The following RGS12 variants were observed in gnomAD, a reference collection of about 807,000 sequenced individuals.
The protein encoded by RGS12 is regulator of G protein signaling 12.
A neutral mutation model predicts 120.1 loss-of-function variants in RGS12; 66 were observed. That is an observed-to-expected ratio of 0.55 (90% confidence interval 0.45 to 0.67). RGS12 has a LOEUF of 0.67. RGS12 is among the 30% of genes least tolerant of loss of function. The pLI, the probability that RGS12 is intolerant of heterozygous loss-of-function variation, is 0.00. For synonymous variants in RGS12, 827 were observed against 804.7 expected (o/e 1.03, Z -0.47); for missense variants, 1,859 against 1,957.7 (o/e 0.95, Z 0.95).
chr4:3,353,074 T>TC (rs1222385343), intron 3 of RGS12, among the ~76,000 whole-genome samples: 2 of 152,232 alleles, frequency 1.3e-5, no homozygotes, highest in Non-Finnish European at 1.5e-5. Flanking sequence ...TGCCAAGGCC[T>TC]CCGGCGTACT....
chr4:3,356,511 C>G (rs2108820542), intron 3 of RGS12, among the ~76,000 whole-genome samples: 1 of 152,216 alleles, frequency 6.6e-6, no homozygotes, highest in South Asian at 2.1e-4. Flanking sequence ...AAACTCTATA[C>G]CCCTTAAACA....
intron 1 of RGS12, among the ~76,000 whole-genome samples, chr4:3,307,985 G>A (rs1243715960): frequency 6.6e-6 from 1 of 152,250 alleles, no homozygotes; most frequent in East Asian, 1.9e-4. Flanking sequence ...GGGGCGCCTG[G>A]GCAGAGGAAG....
Position 3,316,742 on chromosome 4 carries a change from C to G in RGS12, c.572C>G (p.Pro191Arg), listed in dbSNP as rs922990928. 6.2e-6 allele frequency: 10 copies of G among 1,614,160 alleles called. No individual in the cohort carries two copies. The highest frequency in any genetic ancestry group is 8.5e-6 in the Non-Finnish European group (10 of 1,180,030). ...VGHESINNPN[P>R]NMLSKEEISK... Reference sequence around the variant, plus strand: ...CATGAAAGTATAAATAATCCAAATCCCAACATGCTTTCTAAGGAGGAAATA... The same window carrying G: ...CATGAAAGTATAAATAATCCAAATCGCAACATGCTTTCTAAGGAGGAAATA... Residue 191 changes from proline to arginine, a missense_variant, in exon 2 of 18, where the codon CCC becomes CGC. Pro to Arg is a moderately radical substitution (Grantham distance 103, BLOSUM62 -2). Transcript: ENST00000336727.
intron 3 of RGS12, among the ~76,000 whole-genome samples, chr4:3,355,851 G>T (rs1401023895): frequency 2.0e-5 from 3 of 148,940 alleles, no homozygotes; most frequent in African/African-American, 7.4e-5. Flanking sequence ...CAAAGTATCT[G>T]TAGATCAGTT....
chr4:3,417,403 A>G lies in RGS12; in HGVS notation c.2623A>G (p.Lys875Glu). Residue 875 changes from lysine to glutamate, a missense_variant, in exon 9 of 18, where the codon AAA becomes GAA. Physicochemically the swap from Lys to Glu is moderately conservative, Grantham distance 56 (BLOSUM62 1). Coordinates refer to ENST00000336727, the MANE Select transcript of RGS12 (RefSeq NM_001394154.1). ...TTGATGACAGTTAAGTGGAAAATCA[A>G]AATCCGGCCGATCCCTGAATGAAGA... ...STPKKLSGKS[K>E]SGRSLNEELG... 1 of 1,571,570 alleles carries G rather than the reference A, an allele frequency of 6.4e-7. No homozygotes were observed. Among genetic ancestry groups the G allele is most frequent in the Non-Finnish European group, 8.6e-7 (1 of 1,157,544 alleles).
At chr4:3,340,093 G>A (rs903523046) in intron 2 of RGS12, among the ~76,000 whole-genome samples, 4 of 152,226 alleles carry the variant, frequency 2.6e-5, no homozygotes, top group African/African-American at 7.2e-5. Context: ...TCTGCATGCC[G>A]TACAGGTGCC....
intron 15 of RGS12, 148 bp downstream of exon 15, chr4:3,428,317 C>T (rs769535142): frequency 5.7e-5 from 48 of 848,498 alleles, no homozygotes; most frequent in East Asian, 3.9e-4. Context: ...TCGTCCCTGC[C>T]GATGCCCAGC....
chr4:3,338,141 A>C (rs1578760470), intron 2 of RGS12, among the ~76,000 whole-genome samples: 1 of 152,136 alleles, frequency 6.6e-6, no homozygotes, highest in Admixed American at 6.5e-5. Flanking sequence ...GCTCACGGCA[A>C]CCTCTGCCTC....
At chr4:3,404,464 T>C (rs1195398817) in intron 4 of RGS12, among the ~76,000 whole-genome samples, 1 of 152,238 alleles carries the variant, frequency 6.6e-6, no homozygotes, top group Non-Finnish European at 1.5e-5. Flanking sequence ...TAAGTAGGTC[T>C]GTCTGTGCAG....
At chr4:3,313,196 C>T in intron 1 of RGS12, 1 of 152,224 alleles carries the variant, frequency 6.6e-6, no homozygotes, top group East Asian at 1.9e-4. Context: ...AGACATTGTC[C>T]ATCATTATGT....
At chr4:3,310,182 G>A (rs1724291920) in intron 1 of RGS12, among the ~76,000 whole-genome samples, 2 of 149,904 alleles carry the variant, frequency 1.3e-5, no homozygotes, top group Non-Finnish European at 2.9e-5. Flanking sequence ...TTGAGGAGGA[G>A]CTGGGACCCG....
intron 4 of RGS12, chr4:3,407,319 C>T (rs900519171): frequency 2.6e-5 from 4 of 152,366 alleles, no homozygotes; most frequent in South Asian, 2.1e-4. Flanking sequence ...GCTTCCCATC[C>T]GTGAGCCTGC....
In RGS12 at chr4:3,433,722, C is replaced by T. The variant is rs1221237575; in HGVS notation, c.4114+2767C>T. On this transcript the variant is annotated intron_variant, in intron 17 of 17. Transcript: ENST00000336727. This position sits in a 1 kb window ranked among gnomAD's most constrained non-coding sequence, Gnocchi z 4.4. ...CTAGCCTCAGCGTCATGCACCGCAC[C>T]GCCCCATGCTTCTAGCCCCAGCGCC... 3.3e-5 allele frequency among the ~76,000 whole-genome samples: 5 copies of T among 151,968 alleles called. No homozygotes were observed. The highest frequency in any genetic ancestry group is 6.6e-5 in the Admixed American group (1 of 15,264).
At chr4:3,438,892 G>A (rs887700248) in intron 17 of RGS12, among the ~76,000 whole-genome samples, 14 of 152,162 alleles carry the variant, frequency 9.2e-5, no homozygotes, top group African/African-American at 2.9e-4. Flanking sequence ...GCCCAGAGCA[G>A]GGTGTGTACG....
chr4:3,293,219 C>A (rs1370207777), intron 1 of RGS12, 120 bp downstream of exon 1: 1 of 146,262 alleles, frequency 6.8e-6, no homozygotes, highest in Admixed American at 6.8e-5. Context: ...CAGCCCTGCG[C>A]GGCGCCCGTC....
intron 3 of RGS12, among the ~76,000 whole-genome samples, chr4:3,344,505 T>C (rs1713608275): frequency 6.6e-6 from 1 of 152,240 alleles, no homozygotes; most frequent in African/African-American, 2.4e-5. Flanking sequence ...AGGAACTCAC[T>C]GTGTGGCCCT....
intron 3 of RGS12, among the ~76,000 whole-genome samples, chr4:3,362,819 G>A (rs1364141794): frequency 6.7e-6 from 1 of 149,248 alleles, no homozygotes; most frequent in Non-Finnish European, 1.5e-5. Context: ...GTGAGGGTGT[G>A]TCAGTGTGTT....
At position 3,430,875 on chromosome 4, in the gene RGS12, A is replaced by AGG; in HGVS notation, c.4038_4039dup (p.Asp1347GlyfsTer47). ...GTGGCCGAGCTGACCCTGATGGGGG[A>AGG]GGGGGACATCAGCAGCCCCAACAGC... On this transcript the variant is annotated frameshift_variant, in exon 17 of 18. Transcript: ENST00000336727. LOFTEE classifies it high-confidence loss of function. 2 of 1,612,312 alleles carry AGG rather than the reference A, an allele frequency of 1.2e-6. No individual in the cohort carries two copies. Among genetic ancestry groups the AGG allele is most frequent in the South Asian group, 2.2e-5 (2 of 90,956 alleles).
chr4:3,423,103 T>TGGGGGGGG, intron 12 of RGS12, 125 bp downstream of exon 12: 1 of 344,130 alleles, frequency 2.9e-6, no homozygotes, highest in Non-Finnish European at 5.8e-6. Context: ...CGATGGGGTG[T>TGGGGGGGG]CGGGGCGGGG....
Sources: gnomAD v4.1 joint callset for allele counts (sites outside exome capture counted in the v4.1 genomes callset) on GRCh38, gnomAD v4.1.1 for gene constraint, Gnocchi (gnomAD v3.1) non-coding constraint, MANE v1.5 for transcripts, NCBI Gene and HGNC (gene_info 2026-07-23, HGNC 2026-07-21) for gene names.